QTGAL: variants seen among roughly 807,000 people sequenced by gnomAD.
QTGAL encodes the protein BGnT-like protein 1.
chr17:83,039,575 A>AG, the QTGAL span, among the ~76,000 whole-genome samples: 1 of 130,362 alleles, frequency 7.7e-6, no homozygotes, highest in African/African-American at 2.9e-5. Flanking sequence ...CCTGTTCTAG[A>AG]CACACTGCTG....
At chr17:83,004,718 C>T in the QTGAL span, among the ~76,000 whole-genome samples, 1 of 151,240 alleles carries the variant, frequency 6.6e-6, no homozygotes, top group Admixed American at 6.6e-5. Flanking sequence ...CTCCCACTCT[C>T]TGCAGTCCGC....
At chr17:82,947,013 C>T in the QTGAL span, 205 of 1,547,068 alleles carry the variant, frequency 1.3e-4, no homozygotes, top group Non-Finnish European at 1.7e-4. Flanking sequence ...CAGCTCAGTC[C>T]GGTCTCCTGG....
chr17:82,962,127 G>A, the QTGAL span, among the ~76,000 whole-genome samples: 1 of 152,118 alleles, frequency 6.6e-6, no homozygotes, highest in African/African-American at 2.4e-5. Context: ...ACCAAGTCCA[G>A]CCTCTTCTCT....
the QTGAL span, among the ~76,000 whole-genome samples, chr17:82,962,894 T>C: frequency 1.6e-5 from 2 of 125,212 alleles, no homozygotes; most frequent in African/African-American, 5.8e-5. Flanking sequence ...ACGCAGAGGA[T>C]CTGTCCCATT....
chr17:83,033,817 G>T, the QTGAL span, among the ~76,000 whole-genome samples: 2 of 152,024 alleles, frequency 1.3e-5, no homozygotes, highest in African/African-American at 4.8e-5. Flanking sequence ...GTTTTTAAAA[G>T]AATCTCACTA....
At chr17:82,951,803 T>TGGGGGGGGGGG in the QTGAL span, among the ~76,000 whole-genome samples, 1 of 41,034 alleles carries the variant, frequency 2.4e-5, no homozygotes, top group African/African-American at 9.5e-5. Flanking sequence ...TGAGGAGGGG[T>TGGGGGGGGGGG]GGGGTGGGGG....
chr17:83,046,487 C>A, the QTGAL span, among the ~76,000 whole-genome samples: 13 of 152,330 alleles, frequency 8.5e-5, no homozygotes, highest in African/African-American at 3.1e-4. Context: ...GGCACAACAT[C>A]TTTAGTCAAC....
chr17:82,977,490 CA>C, the QTGAL span, among the ~76,000 whole-genome samples: 17 of 149,036 alleles, frequency 1.1e-4, no homozygotes, highest in Non-Finnish European at 1.9e-4. Context: ...ACATTTTCAA[CA>C]AAAAAAAACT....
chr17:83,017,409 G>A, the QTGAL span, among the ~76,000 whole-genome samples: 3 of 152,220 alleles, frequency 2.0e-5, no homozygotes, highest in African/African-American at 7.2e-5. Flanking sequence ...GATAACTTGA[G>A]GTCAGGAGTT....
chr17:82,942,575 CGCTGGCCCTTGGAG>C, the QTGAL span: 1 of 1,480,406 alleles, frequency 6.8e-7, no homozygotes, highest in East Asian at 2.3e-5. Flanking sequence ...TGAAGGGTAG[CGCTGGCCCTTGGAG>C]GCTGGCACTA....
the QTGAL span, among the ~76,000 whole-genome samples, chr17:83,044,221 T>C: frequency 6.6e-6 from 1 of 152,160 alleles, no homozygotes; most frequent in Non-Finnish European, 1.5e-5. Flanking sequence ...CAAATATATA[T>C]ATGCAAAAAT....
chr17:82,965,326 G>A, the QTGAL span, among the ~76,000 whole-genome samples: 1 of 152,314 alleles, frequency 6.6e-6, no homozygotes, highest in Non-Finnish European at 1.5e-5. Context: ...CCCAGAGACA[G>A]CTCTGCCAAA....
the QTGAL span, among the ~76,000 whole-genome samples, chr17:82,956,050 C>T: frequency 0.031 from 4,755 of 151,878 alleles, 89 homozygotes; most frequent in South Asian, 0.093. The surrounding 1 kb of genome is among the most constrained non-coding windows in gnomAD (Gnocchi z 5.7). Flanking sequence ...CTAATGCATG[C>T]GGGGCTTAAA....
At chr17:82,956,575 G>A in the QTGAL span, 1 of 1,156,684 alleles carries the variant, frequency 8.6e-7, no homozygotes, top group Non-Finnish European at 1.2e-6. The surrounding 1 kb of genome is among the most constrained non-coding windows in gnomAD (Gnocchi z 5.7). Context: ...CTGTCCCCAT[G>A]CCCACCATCG....
At chr17:83,045,655 A>G in the QTGAL span, among the ~76,000 whole-genome samples, 1 of 152,230 alleles carries the variant, frequency 6.6e-6, no homozygotes, top group African/African-American at 2.4e-5. Context: ...GATAACCCAA[A>G]GAACGGGAAA....
the QTGAL span, chr17:82,961,158 G>T: frequency 6.2e-7 from 1 of 1,608,176 alleles, no homozygotes; most frequent in Admixed American, 1.7e-5. Flanking sequence ...GCTCGTAGAA[G>T]AACAGCAGGT....
chr17:83,035,818 T>C, the QTGAL span, among the ~76,000 whole-genome samples: 1 of 152,098 alleles, frequency 6.6e-6, no homozygotes, highest in Non-Finnish European at 1.5e-5. Flanking sequence ...GGCTGGCACA[T>C]GTGTGACGGG....
chr17:83,024,952 G>A, the QTGAL span, among the ~76,000 whole-genome samples: 24 of 152,224 alleles, frequency 1.6e-4, no homozygotes, highest in Admixed American at 1.5e-3. Flanking sequence ...CTGCAAGACC[G>A]CAGTCCTCGT....
At chr17:83,045,025 A>G in the QTGAL span, among the ~76,000 whole-genome samples, 16 of 152,344 alleles carry the variant, frequency 1.1e-4, no homozygotes, top group African/African-American at 3.4e-4. Context: ...GATCTTAAAT[A>G]CAGGAAATCC....
Sources: allele counts gnomAD v4.1 joint callset (sites outside exome capture counted in the v4.1 genomes callset), GRCh38; gene constraint gnomAD v4.1.1; non-coding constraint Gnocchi (gnomAD v3.1); transcripts MANE v1.5; gene names NCBI Gene and HGNC (gene_info 2026-07-23, HGNC 2026-07-21).